PSMA8: variants seen among roughly 807,000 people sequenced by gnomAD.
The protein encoded by PSMA8 is proteasome 20S subunit alpha 8.
Under a neutral mutation model 32.4 loss-of-function variants are expected in PSMA8, and 18 were observed. That is an observed-to-expected ratio of 0.56 (90% CI 0.38 to 0.82). The LOEUF (loss-of-function observed/expected upper bound fraction) is 0.82, where lower values mean the gene tolerates loss of function less well. PSMA8 is among the 40% of genes least tolerant of loss of function. The pLI is 0.00. For synonymous variants in PSMA8, 104 were observed against 98.1 expected, an observed-to-expected ratio of 1.06 and a Z score of -0.36; for missense variants, 298 against 300.7, an observed-to-expected ratio of 0.99 and a Z score of 0.07.
At chr18:26,182,589 G>C (rs1158213975) in intron 6 of PSMA8, among the ~76,000 whole-genome samples, 1 of 152,164 alleles carries the variant, frequency 6.6e-6, no homozygotes, top group African/African-American at 2.4e-5. Flanking sequence ...CATGTACAAG[G>C]AAATTAATGT....
chr18:26,134,340 G>GGGGTGT (rs1555659453), intron 1 of PSMA8, among the ~76,000 whole-genome samples: 10 of 135,110 alleles, frequency 7.4e-5, no homozygotes, highest in South Asian at 2.3e-4. Flanking sequence ...TGTGTGTGTG[G>GGGGTGT]GTGTGTGTGT....
chr18:26,138,073 G>A (rs569751787), intron 1 of PSMA8, among the ~76,000 whole-genome samples: 3 of 152,214 alleles, frequency 2.0e-5, no homozygotes. Context: ...AGAAACTGGT[G>A]CCAGATCATG....
intron 3 of PSMA8, among the ~76,000 whole-genome samples, chr18:26,156,483 AAG>A (rs1447756912): frequency 6.6e-6 from 1 of 152,114 alleles, no homozygotes; most frequent in African/African-American, 2.4e-5. Context: ...AGCCATAAAA[AAG>A]AATGAAATTC....
chr18:26,167,968 CA>C (rs1406762572), intron 4 of PSMA8, among the ~76,000 whole-genome samples: 3 of 113,838 alleles, frequency 2.6e-5, no homozygotes, highest in Admixed American at 8.8e-5. Flanking sequence ...ACAATGAAAA[CA>C]ACAGTCCTGC....
chr18:26,171,633 C>A (rs1404051988), intron 4 of PSMA8, among the ~76,000 whole-genome samples: 1 of 151,944 alleles, frequency 6.6e-6, no homozygotes, highest in Admixed American at 6.6e-5. Context: ...ACTTGGGAGG[C>A]TGAGGCGTGA....
At chr18:26,188,502 A>G (rs1012310300) in intron 6 of PSMA8, among the ~76,000 whole-genome samples, 41 of 152,146 alleles carry the variant, frequency 2.7e-4, no homozygotes, top group Admixed American at 2.0e-3. Flanking sequence ...CATAAAATCT[A>G]TATAAAAACC....
chr18:26,154,495 T>A (rs1241182851), intron 3 of PSMA8, among the ~76,000 whole-genome samples: 2 of 152,014 alleles, frequency 1.3e-5, no homozygotes, highest in Non-Finnish European at 2.9e-5. Context: ...CTATGCAGAG[T>A]GTATTTACGG....
rs771239138 is a variant in PSMA8 at position 26,144,658 on chromosome 18, G to T, written c.202G>T (p.Asp68Tyr). 1 of 1,613,922 alleles carries T rather than the reference G, an allele frequency of 6.2e-7. No individual in the cohort carries two copies. Among genetic ancestry groups the T allele is most frequent in the East Asian group, 2.2e-5 (1 of 44,818 alleles). Residue 68 changes from aspartate (D) to tyrosine (Y), a missense_variant, in exon 2 of 7, where the codon GAT (aspartate) becomes TAT (tyrosine). Physicochemically the swap from Asp to Tyr is radical, Grantham distance 160. Transcript: ENST00000415576. ...AACTGTGAGGAAAATTTGTGCCCTT[G>T]ATGACCATGTCTGCATGGCTTTTGC... ...ERTVRKICALDDHVCMAFAGL... is the reference protein window; with the variant it reads ...ERTVRKICALYDHVCMAFAGL...
chr18:26,153,311 T>G (rs1046254002), intron 3 of PSMA8, among the ~76,000 whole-genome samples: 1 of 152,254 alleles, frequency 6.6e-6, no homozygotes, highest in African/African-American at 2.4e-5. Flanking sequence ...CCCACAGCTT[T>G]TGTTTTTATT....
At chr18:26,158,298 A>G in intron 4 of PSMA8, 54 bp downstream of exon 4, 2 of 1,394,054 alleles carry the variant, frequency 1.4e-6, no homozygotes, top group Middle Eastern at 3.6e-4. Flanking sequence ...TATTCAATGT[A>G]AATGCTTTAT....
At chr18:26,172,766 G>T (rs544245667) in intron 4 of PSMA8, among the ~76,000 whole-genome samples, 1 of 152,222 alleles carries the variant, frequency 6.6e-6, no homozygotes, top group East Asian at 1.9e-4. Flanking sequence ...CATGCATTTC[G>T]TGATGGTGCC....
intron 2 of PSMA8, among the ~76,000 whole-genome samples, chr18:26,146,157 T>C (rs931440819): frequency 2.0e-5 from 3 of 151,008 alleles, no homozygotes; most frequent in Non-Finnish European, 4.4e-5. Context: ...AAATAAGACA[T>C]GCCTCTTGTC....
chr18:26,162,508 CCTT>C (rs1209816264), intron 4 of PSMA8, among the ~76,000 whole-genome samples: 2 of 152,180 alleles, frequency 1.3e-5, no homozygotes, highest in Admixed American at 6.5e-5. Flanking sequence ...TAAAAACTCT[CCTT>C]CTATAAACAT....
intron 2 of PSMA8, among the ~76,000 whole-genome samples, chr18:26,150,200 G>A (rs374845703): frequency 6.6e-6 from 1 of 152,106 alleles, no homozygotes; most frequent in Non-Finnish European, 1.5e-5. Context: ...CTGATCCCAA[G>A]CATTTTCAGA....
chr18:26,158,296 G>A (rs1158009405), intron 4 of PSMA8, 52 bp downstream of exon 4: 5 of 1,401,852 alleles, frequency 3.6e-6, no homozygotes, highest in Non-Finnish European at 4.9e-6. Context: ...AATATTCAAT[G>A]TAAATGCTTT....
rs117697844 is a variant in PSMA8, at chr18:26,155,188, T to A, written c.355-2934T>A. Among the ~76,000 whole-genome samples the A allele has an allele frequency of 4.7e-3, 715 of 151,786 alleles. 2 individuals are homozygous for A. In the Middle Eastern group the frequency reaches 0.058, roughly 12 times the overall value. Reference sequence around the variant, plus strand: ...AGACGGAGGTTGCAGTAAGCCAAGATCATACCACCATACTCCAGCCTGGGC... The same window carrying A: ...AGACGGAGGTTGCAGTAAGCCAAGAACATACCACCATACTCCAGCCTGGGC... On this transcript the variant is annotated intron_variant, in intron 3 of 6. Coordinates refer to ENST00000415576, the MANE Select transcript of PSMA8 (RefSeq NM_001025096.2).
At chr18:26,159,550 T>A (rs573855220) in intron 4 of PSMA8, among the ~76,000 whole-genome samples, 56 of 152,110 alleles carry the variant, frequency 3.7e-4, no homozygotes, top group African/African-American at 1.3e-3. Flanking sequence ...AAGCCTGCCA[T>A]CTTCTGTTTG....
At chr18:26,134,357 G>C (rs1568050674) in intron 1 of PSMA8, among the ~76,000 whole-genome samples, 2 of 134,830 alleles carry the variant, frequency 1.5e-5, no homozygotes, top group Non-Finnish European at 3.0e-5. Context: ...GTGTGTGTGT[G>C]TGTGTGTCTC....
At chr18:26,151,674 T>C (rs2055046684) in intron 2 of PSMA8, among the ~76,000 whole-genome samples, 184 bp from the exon 3 acceptor site, 1 of 152,180 alleles carries the variant, frequency 6.6e-6, no homozygotes, top group Admixed American at 6.5e-5. Context: ...TCAACTTAAA[T>C]CTTGAAATAA....
Sources: gnomAD v4.1 joint callset for allele counts (sites outside exome capture counted in the v4.1 genomes callset) on GRCh38, gnomAD v4.1.1 for gene constraint, MANE v1.5 for transcripts, NCBI Gene and HGNC (gene_info 2026-07-23, HGNC 2026-07-21) for gene names.